Variants in PDE4D observed in about 807,000 individuals in gnomAD.
The protein encoded by PDE4D is phosphodiesterase 4D, also known as 3',5'-cyclic-AMP phosphodiesterase 4D.
PDE4D carries 24 observed loss-of-function variants against 87.4 expected under a neutral mutation model. That is an observed-to-expected ratio of 0.27 (90% CI 0.20 to 0.39). The LOEUF (loss-of-function observed/expected upper bound fraction) is 0.39. Ranked by LOEUF, PDE4D falls within the 10% of genes least tolerant of loss-of-function variation. PDE4D has a pLI of 1.00. For missense variants in PDE4D, 714 were observed against 1,041.0 expected, an observed-to-expected ratio of 0.69 and a Z score of 4.32; for synonymous variants, 384 against 383.2, an observed-to-expected ratio of 1.00 and a Z score of -0.02.
At chr5:60,425,356 C>T (rs1351590938) in intron 1 of PDE4D, among the ~76,000 whole-genome samples, 2 of 152,112 alleles carry the variant, frequency 1.3e-5, no homozygotes. Flanking sequence ...AGAAATAGAA[C>T]AGAGGCCTCA....
chr5:59,132,447 T>C (rs1301526222), intron 5 of PDE4D, among the ~76,000 whole-genome samples: 1 of 152,168 alleles, frequency 6.6e-6, no homozygotes, highest in Non-Finnish European at 1.5e-5. Context: ...CCTAAATAAC[T>C]TTTACGTGAT....
At chr5:59,169,464 A>G (rs186034051) in intron 5 of PDE4D, among the ~76,000 whole-genome samples, 4 of 152,278 alleles carry the variant, frequency 2.6e-5, no homozygotes, top group African/African-American at 9.6e-5. Context: ...CTTCTCAGAG[A>G]CGAGCAAGCT....
intron 1 of PDE4D, among the ~76,000 whole-genome samples, chr5:59,871,779 G>A (rs1418815457): frequency 6.6e-6 from 1 of 152,132 alleles, no homozygotes; most frequent in Non-Finnish European, 1.5e-5. Flanking sequence ...ACTCATCTTA[G>A]TTAAAGGCAA....
At chr5:59,899,922 T>C (rs1034039765) in intron 3 of PDE4D, among the ~76,000 whole-genome samples, 4 of 152,136 alleles carry the variant, frequency 2.6e-5, no homozygotes, top group Admixed American at 1.3e-4. Flanking sequence ...TAGCTACAGA[T>C]TGATGAACTT....
At chr5:60,106,554 C>G (rs1359396379) in intron 2 of PDE4D, among the ~76,000 whole-genome samples, 1 of 151,972 alleles carries the variant, frequency 6.6e-6, no homozygotes, top group African/African-American at 2.4e-5. Flanking sequence ...ACAGAATATA[C>G]ATTTTTTTCA....
chr5:59,594,292 T>TTTTA (rs142839056), intron 1 of PDE4D, among the ~76,000 whole-genome samples: 20,858 of 140,884 alleles, frequency 0.15, 1,706 homozygotes, highest in African/African-American at 0.18. Context: ...AACTTTTTTA[T>TTTTA]TTTATTTATT....
At chr5:59,467,018 G>A (rs1163005500) in intron 1 of PDE4D, among the ~76,000 whole-genome samples, 3 of 152,142 alleles carry the variant, frequency 2.0e-5, no homozygotes, top group Non-Finnish European at 4.4e-5. Context: ...CTAATCAAAT[G>A]TGACGTTGTT....
intron 1 of PDE4D, among the ~76,000 whole-genome samples, chr5:60,309,123 T>C (rs1754771917): frequency 6.6e-6 from 1 of 152,066 alleles, no homozygotes; most frequent in Admixed American, 6.6e-5. Flanking sequence ...AATATTGTGA[T>C]GGGTGAGTCT....
chr5:59,773,572 G>A lies in PDE4D; in HGVS notation c.455+119596C>T, dbSNP rs1356432699. Among the ~76,000 whole-genome samples, 7 of 152,012 alleles carry A rather than the reference G, an allele frequency of 4.6e-5. 1 individual carries two copies. Among genetic ancestry groups the A allele is most frequent in the Non-Finnish European group, 1.5e-5 (1 of 67,966 alleles). ...CAGCTGAAGGTGGAATTCCTGAGAT[G>A]TTTTTTGTTTTTATGTTTTTTTCTC... On this transcript the variant is annotated intron_variant, in intron 1 of 14. Transcript: ENST00000340635.
intron 1 of PDE4D, among the ~76,000 whole-genome samples, chr5:59,703,164 A>G (rs1352192442): frequency 6.6e-6 from 1 of 152,140 alleles, no homozygotes; most frequent in Non-Finnish European, 1.5e-5. Flanking sequence ...TTGGAAAAAA[A>G]TAACTTTAGA....
rs199984345 is a variant in PDE4D at position 60,314,170 on chromosome 5, A to ATT, written c.-89-128485_-89-128484dup. ...AAACTATCTGTATGCAGACAGTATG[A>ATT]TTTTTTTTTTTTTTGAGATGGAGTC... is the stretch of plus-strand genomic sequence containing the variant. On this transcript the variant is annotated intron_variant, in intron 1 of 16. Transcript: ENST00000502484. Among the ~76,000 whole-genome samples, 1,219 of 145,720 alleles carry ATT rather than the reference A, an allele frequency of 8.4e-3. 19 individuals carry two copies. Among genetic ancestry groups the ATT allele is most frequent in the East Asian group, 0.058 (290 of 4,990 alleles).
chr5:59,488,235 T>C (rs1394698261), intron 1 of PDE4D, among the ~76,000 whole-genome samples: 1 of 152,130 alleles, frequency 6.6e-6, no homozygotes, highest in Non-Finnish European at 1.5e-5. Flanking sequence ...TTTAAAGTGT[T>C]GCCATTTCTA....
At chr5:59,268,068 G>C (rs992275591) in intron 1 of PDE4D, among the ~76,000 whole-genome samples, 3 of 152,018 alleles carry the variant, frequency 2.0e-5, no homozygotes, top group African/African-American at 7.2e-5. Flanking sequence ...ATTGGTCTCT[G>C]TATAATCTCT....
intron 1 of PDE4D, among the ~76,000 whole-genome samples, chr5:59,225,268 C>A (rs996715284): frequency 6.6e-6 from 1 of 152,126 alleles, no homozygotes; most frequent in African/African-American, 2.4e-5. Context: ...CAAGACTTTT[C>A]TTCATTGTAT....
At chr5:60,323,494 C>T (rs751294255) in intron 1 of PDE4D, among the ~76,000 whole-genome samples, 3 of 152,192 alleles carry the variant, frequency 2.0e-5, no homozygotes, top group Non-Finnish European at 4.4e-5. Flanking sequence ...CCTTATACCA[C>T]AGCTCTAGCC....
chr5:60,267,520 G>A lies in PDE4D; in HGVS notation c.-89-81833C>T, dbSNP rs114400498. Among the ~76,000 whole-genome samples the A allele has an allele frequency of 2.5e-3, 379 of 152,212 alleles. 1 individual carries two copies. The highest frequency in any genetic ancestry group is 8.8e-3 in the African/African-American group (364 of 41,528). The stretch of plus-strand genomic sequence containing the variant: ...CTAACTGTATACTTCAGCAAAATAC[G>A]CTTTGGGCTTCAGTTTCCTCACCTG... On this transcript the variant is annotated intron_variant, in intron 1 of 16. Coordinates refer to the PDE4D transcript ENST00000502484.
intron 5 of PDE4D, among the ~76,000 whole-genome samples, chr5:59,056,158 G>C (rs1389080809): frequency 6.6e-6 from 1 of 152,152 alleles, no homozygotes; most frequent in Non-Finnish European, 1.5e-5. Context: ...AATAGCGTGT[G>C]AACCACAGAA....
chr5:60,438,271 C>A (rs1040773181), intron 1 of PDE4D, among the ~76,000 whole-genome samples: 1 of 152,016 alleles, frequency 6.6e-6, no homozygotes, highest in Admixed American at 6.6e-5. Context: ...AACTAGAGCA[C>A]ACAGATGAGA....
chr5:60,087,374 C>T (rs757613296), intron 2 of PDE4D, among the ~76,000 whole-genome samples: 2 of 152,114 alleles, frequency 1.3e-5, no homozygotes, highest in Non-Finnish European at 2.9e-5. Context: ...AAATATGACA[C>T]CACTCAAAGA....
Sources: gnomAD v4.1 joint callset for allele counts (sites outside exome capture counted in the v4.1 genomes callset) on GRCh38, gnomAD v4.1.1 for gene constraint, MANE v1.5 for transcripts, NCBI Gene and HGNC (gene_info 2026-07-23, HGNC 2026-07-21) for gene names.